Variants in SLC38A1 observed in about 807,000 individuals in gnomAD.
The protein encoded by SLC38A1 is sodium-coupled neutral amino acid symporter 1.
A neutral mutation model predicts 60.3 loss-of-function variants in SLC38A1; 18 were observed. The ratio of observed to expected loss-of-function variants is 0.30; its 90% confidence interval spans 0.21 to 0.44. The LOEUF (loss-of-function observed/expected upper bound fraction) is 0.44, where lower values mean the gene tolerates loss of function less well. Ranked by LOEUF, SLC38A1 falls within the 20% of genes least tolerant of loss-of-function variation. The probability of loss-of-function intolerance (pLI) is 1.00; values close to 1 mark genes in which losing one functional copy is unlikely to be tolerated. For missense variants in SLC38A1, 448 were observed against 587.2 expected (o/e 0.76, Z 2.45); for synonymous variants, 196 against 212.1 (o/e 0.92, Z 0.66).
chr12:46,216,751 T>A (rs1276452839), intron 5 of SLC38A1, among the ~76,000 whole-genome samples: 1 of 151,932 alleles, frequency 6.6e-6, no homozygotes, highest in Admixed American at 6.6e-5. Context: ...TCCCAGCTAC[T>A]CGGGAGGCTG....
rs1939269869 is a variant in SLC38A1 at position 46,194,262 on chromosome 12, C to T, written c.1362+3458G>A. On this transcript the variant is annotated intron_variant, in intron 16 of 16. Coordinates refer to ENST00000398637, the MANE Select transcript of SLC38A1 (RefSeq NM_030674.4). The stretch of plus-strand genomic sequence containing the variant: ...TCTTTCATAATGTTGAATATTGGCC[C>T]CCACTCCCTTCTGGCTTGTAGGGTT... Among the ~76,000 whole-genome samples, 3 of 152,166 alleles carry T rather than the reference C, an allele frequency of 2.0e-5. 1 individual carries two copies. The South Asian group carries it at 6.2e-4, about 32-fold the overall frequency.
chr12:46,200,931 A>C lies in SLC38A1; in HGVS notation c.1003+167T>G, dbSNP rs558456367. Among the ~76,000 whole-genome samples the C allele has an allele frequency of 3.3e-5, 5 of 152,358 alleles. No individual in the cohort carries two copies. The South Asian group carries it at 1.0e-3, about 32-fold the overall frequency. On this transcript the variant is annotated intron_variant, in intron 13 of 16. Coordinates refer to ENST00000398637, the MANE Select transcript of SLC38A1 (RefSeq NM_030674.4). ...GTAATTATTTTATTCGGCAGTCTGCATGAACATGAAAAGATCACCATTGCT... is the reference window on the plus strand; with the variant it reads ...GTAATTATTTTATTCGGCAGTCTGCCTGAACATGAAAAGATCACCATTGCT...
chr12:46,196,246 G>A (rs1238341322), intron 16 of SLC38A1: 2 of 1,536,096 alleles, frequency 1.3e-6, no homozygotes, highest in Non-Finnish European at 1.7e-6. Flanking sequence ...AGCCAACAGG[G>A]CTGGACTGGA....
At chr12:46,265,992 G>A (rs1184880655) in intron 1 of SLC38A1, among the ~76,000 whole-genome samples, 1 of 152,178 alleles carries the variant, frequency 6.6e-6, no homozygotes, top group Non-Finnish European at 1.5e-5. Flanking sequence ...CAAGGGCCTG[G>A]TCACTGCTCA....
At chr12:46,244,154 GAAGGAAGC>G (rs1941538598) in intron 1 of SLC38A1, among the ~76,000 whole-genome samples, 1 of 152,206 alleles carries the variant, frequency 6.6e-6, no homozygotes, top group South Asian at 2.1e-4. Context: ...ATGAAGGAGG[GAAGGAAGC>G]AAGGAAGGAA....
rs1188407416 is a variant in SLC38A1, at chr12:46,268,100, A to C, written c.-209+426T>G. On this transcript the variant is annotated intron_variant, in intron 1 of 16. Coordinates refer to ENST00000398637, the MANE Select transcript of SLC38A1 (RefSeq NM_030674.4). The surrounding 1 kb of genome is among the most constrained non-coding windows in gnomAD (Gnocchi z 4.4). ...GGCCTTGCGGACACAGGAAATTTTC[A>C]CCAAAGGCCGGGGATTCAAACACTC... Among the ~76,000 whole-genome samples the C allele has an allele frequency of 6.6e-6, 1 of 151,994 alleles. No individual in the cohort carries two copies. Among genetic ancestry groups the C allele is most frequent in the Non-Finnish European group, 1.5e-5 (1 of 67,980 alleles).
chr12:46,207,608 A>G lies in SLC38A1; in HGVS notation c.402T>C (p.Tyr134=), dbSNP rs776281327. Residue 134 remains tyrosine (Y), a synonymous_variant, in exon 7 of 17, where the codon TAT becomes TAC. Transcript: ENST00000398637. ...CAAAGACTTGTTCCCCCAGCTTTTCATACACCATGCAGCCTATTTAAAAAT... is the reference window on the plus strand; with the variant it reads ...CAAAGACTTGTTCCCCCAGCTTTTCGTACACCATGCAGCCTATTTAAAAAT... ...ICSKETGCMV[Y]EKLGEQVFGT... is the part of the protein sequence containing the mutation. The G allele has an allele frequency of 3.7e-6, 6 of 1,613,920 alleles. No individual in the cohort carries two copies. The highest frequency in any genetic ancestry group is 5.1e-6 in the Non-Finnish European group (6 of 1,179,798).
chr12:46,195,349 T>A (rs563071703), intron 16 of SLC38A1, among the ~76,000 whole-genome samples: 17 of 152,284 alleles, frequency 1.1e-4, no homozygotes, highest in Admixed American at 2.0e-4. Flanking sequence ...TTGAGGTATC[T>A]CTCAGCCCCT....
intron 3 of SLC38A1, among the ~76,000 whole-genome samples, chr12:46,232,746 C>T (rs1941122703): frequency 6.6e-6 from 1 of 152,204 alleles, no homozygotes; most frequent in Non-Finnish European, 1.5e-5. Flanking sequence ...TCCAAGGATG[C>T]TCAAGTCCCT....
intron 3 of SLC38A1, among the ~76,000 whole-genome samples, chr12:46,234,909 TTAAA>T (rs914396781): frequency 3.9e-5 from 6 of 152,218 alleles, no homozygotes; most frequent in Non-Finnish European, 8.8e-5. Context: ...TTTATTGACT[TTAAA>T]TATGCTATGG....
rs957117927 is a variant in SLC38A1 at position 46,215,416 on chromosome 12, CT to C, written c.315-6290del. Among the ~76,000 whole-genome samples, 92 of 150,392 alleles carry C rather than the reference CT, an allele frequency of 6.1e-4. No individual in the cohort carries two copies. In the South Asian group the frequency reaches 0.012, roughly 19 times the overall value. ...CTTTGGTTGACTTCCTCAAGCATTA[CT>C]TTTTTTTTTCTTGAGACAGAGTCTT... On this transcript the variant is annotated intron_variant, in intron 5 of 16. Transcript: ENST00000398637.
chr12:46,191,209 T>C (rs918523358), intron 16 of SLC38A1, among the ~76,000 whole-genome samples: 8 of 152,232 alleles, frequency 5.3e-5, no homozygotes. Context: ...CCATTTCTTG[T>C]TTTTGTCAGG....
intron 5 of SLC38A1, among the ~76,000 whole-genome samples, chr12:46,226,778 G>A (rs1940883255): frequency 6.6e-6 from 1 of 151,978 alleles, no homozygotes; most frequent in South Asian, 2.1e-4. Context: ...CCTACACCCA[G>A]CTAATTTTTT....
At chr12:46,207,667 G>T in intron 6 of SLC38A1, 46 bp from the exon 7 acceptor site, 1 of 1,551,020 alleles carries the variant, frequency 6.4e-7, no homozygotes, top group Non-Finnish European at 8.9e-7. Flanking sequence ...ACAGGGTTCA[G>T]AAAGTTAAAA....
chr12:46,196,040 T>G, intron 16 of SLC38A1: 1 of 1,058,470 alleles, frequency 9.4e-7, no homozygotes, highest in Non-Finnish European at 1.4e-6. Context: ...ACATCGATCT[T>G]GCTGGGAGCT....
chr12:46,203,286 T>TTGTC (rs776857519), intron 11 of SLC38A1, among the ~76,000 whole-genome samples, 197 bp from the exon 12 acceptor site: 4 of 152,216 alleles, frequency 2.6e-5, no homozygotes, highest in Admixed American at 6.5e-5. Flanking sequence ...CATTAGCCAC[T>TTGTC]TGTCACAGAG....
chr12:46,229,575 ACTT>A lies in SLC38A1; in HGVS notation c.184_186del (p.Lys62del). On this transcript the variant is annotated inframe_deletion, in exon 4 of 17. Coordinates refer to ENST00000398637, the MANE Select transcript of SLC38A1 (RefSeq NM_030674.4). ...ATAATGATACTTACATACTCATCAC[ACTT>A]CTTTTTTTCCAAATGGCTGTTTGTG... 1 of 1,611,502 alleles carries A rather than the reference ACTT, an allele frequency of 6.2e-7. No individual in the cohort carries two copies. The highest frequency in any genetic ancestry group is 8.5e-7 in the Non-Finnish European group (1 of 1,177,886).
At chr12:46,259,253 G>C (rs1565799223) in intron 1 of SLC38A1, among the ~76,000 whole-genome samples, 2 of 152,110 alleles carry the variant, frequency 1.3e-5, no homozygotes, top group Non-Finnish European at 2.9e-5. Context: ...GACTGTGTCT[G>C]TTTACCCACT....
At chr12:46,201,885 T>C (rs981158201) in intron 12 of SLC38A1, among the ~76,000 whole-genome samples, 1 of 149,144 alleles carries the variant, frequency 6.7e-6, no homozygotes. Context: ...CATAGAAGTA[T>C]GGAAAACAAG....
Sources: gnomAD v4.1 joint callset for allele counts (sites outside exome capture counted in the v4.1 genomes callset) on GRCh38, gnomAD v4.1.1 for gene constraint, Gnocchi (gnomAD v3.1) non-coding constraint, MANE v1.5 for transcripts, NCBI Gene and HGNC (gene_info 2026-07-23, HGNC 2026-07-21) for gene names.